The following MBOAT1 variants were observed in gnomAD, a reference collection of about 807,000 sequenced individuals.
MBOAT1 encodes membrane-bound glycerophospholipid O-acyltransferase 1.
Under a neutral mutation model 64.4 loss-of-function variants are expected in MBOAT1, and 67 were observed. The observed-to-expected ratio is 1.04, with a 90% CI of 0.85 to 1.27. The LOEUF (loss-of-function observed/expected upper bound fraction) is 1.27, where lower values mean the gene tolerates loss of function less well. Ranked by LOEUF, MBOAT1 falls within the 50% of genes most tolerant of loss-of-function variation. MBOAT1 has a pLI of 0.00. For missense variants in MBOAT1, 563 were observed against 604.6 expected, an observed-to-expected ratio of 0.93 and a Z score of 0.72; for synonymous variants, 229 against 218.9, an observed-to-expected ratio of 1.05 and a Z score of -0.41.
intron 1 of MBOAT1, among the ~76,000 whole-genome samples, chr6:20,204,518 G>A (rs946124767): frequency 2.0e-5 from 3 of 152,112 alleles, no homozygotes; most frequent in South Asian, 4.1e-4. Flanking sequence ...TGGATAGGAC[G>A]CTATGGAGAA....
chr6:20,207,092 A>G (rs886702711), intron 1 of MBOAT1, among the ~76,000 whole-genome samples: 7 of 152,212 alleles, frequency 4.6e-5, no homozygotes, highest in Non-Finnish European at 8.8e-5. Flanking sequence ...AAAAGCACAT[A>G]TTTGTGCATA....
chr6:20,206,009 C>T (rs1482093535), intron 1 of MBOAT1, among the ~76,000 whole-genome samples: 3 of 152,102 alleles, frequency 2.0e-5, no homozygotes, highest in Non-Finnish European at 4.4e-5. Context: ...ACTTCCTTCT[C>T]CCCCTCCTGT....
intron 1 of MBOAT1, 165 bp downstream of exon 1, chr6:20,211,969 AAC>A (rs57852903): frequency 0.012 from 5,588 of 455,582 alleles, 4 homozygotes; most frequent in South Asian, 0.019. Flanking sequence ...AAGAAGGGAA[AAC>A]ACACACACAC....
chr6:20,136,869 A>T (rs1471973611), intron 4 of MBOAT1, among the ~76,000 whole-genome samples: 1 of 151,922 alleles, frequency 6.6e-6, no homozygotes, highest in African/African-American at 2.4e-5. Flanking sequence ...ATTTCCTTTC[A>T]CTCTTTTTCT....
rs1581398603 is a variant in MBOAT1 at position 20,115,202 on chromosome 6, A to T, written c.1076+86T>A. ...CAAGAGTGTCAGATGACATTGCCAC[A>T]GGCAGACTCCCACTGTTCATCTACT... is the stretch of plus-strand genomic sequence containing the variant. On this transcript the variant is annotated intron_variant, in intron 10 of 12. Coordinates refer to ENST00000324607, the MANE Select transcript of MBOAT1 (RefSeq NM_001080480.3). 28 of 955,336 alleles carry T rather than the reference A, an allele frequency of 2.9e-5. 1 individual carries two copies. In the South Asian group the frequency reaches 3.7e-4, roughly 13 times the overall value. The allele number at this position is 955,336 out of a possible 1,614,324, so 59.2% of individuals were successfully genotyped here.
At chr6:20,211,521 T>C (rs1763417284) in intron 1 of MBOAT1, among the ~76,000 whole-genome samples, 1 of 152,104 alleles carries the variant, frequency 6.6e-6, no homozygotes, top group Non-Finnish European at 1.5e-5. Context: ...TCAAATAACT[T>C]CACTGGGGCC....
At chr6:20,208,976 A>T (rs1422042467) in intron 1 of MBOAT1, among the ~76,000 whole-genome samples, 1 of 152,226 alleles carries the variant, frequency 6.6e-6, no homozygotes, top group Non-Finnish European at 1.5e-5. Context: ...GCAAACCTTT[A>T]GTTTAAAGGC....
rs762587914 is a variant in MBOAT1, at chr6:20,100,479, T to A, written c.*1807A>T. The stretch of plus-strand genomic sequence containing the variant: ...TTTCCTTGTTAAAGTGGGGTGAGAC[T>A]CATGCACTAGCTCACATCTACTACT... On this transcript the variant is annotated 3_prime_UTR_variant, in exon 13 of 13. Coordinates refer to ENST00000324607, the MANE Select transcript of MBOAT1 (RefSeq NM_001080480.3). 7.2e-5 allele frequency among the ~76,000 whole-genome samples: 11 copies of A among 152,164 alleles called. No homozygotes were observed. The highest frequency in any genetic ancestry group is 1.3e-4 in the Non-Finnish European group (9 of 68,020).
chr6:20,122,177 T>C (rs1325604847), intron 8 of MBOAT1, among the ~76,000 whole-genome samples: 1 of 151,964 alleles, frequency 6.6e-6, no homozygotes, highest in East Asian at 1.9e-4. Context: ...AAAAAATATA[T>C]ATATATTTCA....
At chr6:20,106,068 GA>G (rs1311785578) in intron 12 of MBOAT1, among the ~76,000 whole-genome samples, 6 of 152,202 alleles carry the variant, frequency 3.9e-5, no homozygotes, top group African/African-American at 1.2e-4. Flanking sequence ...GATCTACTGA[GA>G]AAAGGGTTTG....
chr6:20,212,269 G>A lies in MBOAT1; in HGVS notation c.-35C>T. The A allele has an allele frequency of 1.9e-6, 3 of 1,580,718 alleles. No individual in the cohort carries two copies. Among genetic ancestry groups the A allele is most frequent in the South Asian group, 2.3e-5 (2 of 88,306 alleles). Reference sequence around the variant, plus strand: ...TCGGGAGGTGGCTGCCCCTGTCCCAGCCCGCAACACCCCCTGCTCGGCGTC... The same window carrying A: ...TCGGGAGGTGGCTGCCCCTGTCCCAACCCGCAACACCCCCTGCTCGGCGTC... On this transcript the variant is annotated 5_prime_UTR_variant, in exon 1 of 13. Coordinates refer to ENST00000324607, the MANE Select transcript of MBOAT1 (RefSeq NM_001080480.3).
chr6:20,210,256 T>C (rs965638613), intron 1 of MBOAT1, among the ~76,000 whole-genome samples: 1 of 152,146 alleles, frequency 6.6e-6, no homozygotes, highest in Non-Finnish European at 1.5e-5. Context: ...AAAGGGAAGT[T>C]TGCTGGCAGA....
At chr6:20,104,156 T>C (rs1005434091) in intron 12 of MBOAT1, among the ~76,000 whole-genome samples, 1 of 152,242 alleles carries the variant, frequency 6.6e-6, no homozygotes, top group Non-Finnish European at 1.5e-5. Context: ...CCATATAGCC[T>C]CAGTATATAG....
chr6:20,168,640 A>G (rs796423128), intron 1 of MBOAT1, among the ~76,000 whole-genome samples: 93 of 53,478 alleles, frequency 1.7e-3, no homozygotes, highest in East Asian at 3.9e-3. Flanking sequence ...AGAGAAGAGA[A>G]GAGAGGAGAG....
At chr6:20,103,723 G>A (rs1051936450) in intron 12 of MBOAT1, among the ~76,000 whole-genome samples, 5 of 152,256 alleles carry the variant, frequency 3.3e-5, no homozygotes, top group South Asian at 2.1e-4. Flanking sequence ...CACCATGCCC[G>A]GCCACCATGT....
At chr6:20,170,841 C>T (rs934715757) in intron 1 of MBOAT1, among the ~76,000 whole-genome samples, 1 of 152,110 alleles carries the variant, frequency 6.6e-6, no homozygotes, top group Non-Finnish European at 1.5e-5. Flanking sequence ...CATGTCTATC[C>T]TTTTTACCAA....
intron 11 of MBOAT1, among the ~76,000 whole-genome samples, chr6:20,111,845 T>TAC (rs1383577669): frequency 7.4e-6 from 1 of 134,496 alleles, no homozygotes; most frequent in Non-Finnish European, 1.5e-5. Flanking sequence ...CACATATATA[T>TAC]ACATATATAT....
chr6:20,197,111 T>A (rs1479735853), intron 1 of MBOAT1, among the ~76,000 whole-genome samples: 1 of 90,988 alleles, frequency 1.1e-5, no homozygotes, highest in East Asian at 2.7e-4. Flanking sequence ...CTCCATACTA[T>A]CTTTACAAAT....
intron 1 of MBOAT1, among the ~76,000 whole-genome samples, chr6:20,199,120 T>C (rs928790510): frequency 6.6e-6 from 1 of 152,248 alleles, no homozygotes; most frequent in Non-Finnish European, 1.5e-5. Flanking sequence ...CACTTTCTTT[T>C]TTCTGTCCAT....
Sources: allele counts gnomAD v4.1 joint callset (sites outside exome capture counted in the v4.1 genomes callset), GRCh38; gene constraint gnomAD v4.1.1; transcripts MANE v1.5; gene names NCBI Gene and HGNC (gene_info 2026-07-23, HGNC 2026-07-21).